Variants in TUNAR observed in about 807,000 individuals in gnomAD.
TUNAR encodes transmembrane neural differentiation associated intracellular calcium regulator, also known as protein TUNAR.
chr14:95,919,202 T>C (rs939432941), intron 2 of TUNAR, among the ~76,000 whole-genome samples: 6 of 152,188 alleles, frequency 3.9e-5, no homozygotes, highest in African/African-American at 1.4e-4. Context: ...ACCTACAAAC[T>C]AGCAAACAGA....
intron 2 of TUNAR, among the ~76,000 whole-genome samples, chr14:95,896,452 A>T (rs1889270849): frequency 6.6e-6 from 1 of 152,204 alleles, no homozygotes; most frequent in South Asian, 2.1e-4. Context: ...CTCCTGGGAC[A>T]AAGCACCTCC....
At chr14:95,876,953 G>A (rs542720403) in exon 2 of TUNAR, 2 of 152,304 alleles carry the variant, frequency 1.3e-5, no homozygotes, top group African/African-American at 4.8e-5. Flanking sequence ...AGCGGCAGAC[G>A]GGGACATGAG....
exon 3 of TUNAR, chr14:95,923,129 G>A (rs1269553661): frequency 2.5e-6 from 1 of 394,712 alleles, no homozygotes; most frequent in Non-Finnish European, 4.5e-6. Flanking sequence ...CAAATAGACC[G>A]ATCCTGCTGC....
intron 2 of TUNAR, among the ~76,000 whole-genome samples, chr14:95,886,313 A>G (rs2139653883): frequency 6.6e-6 from 1 of 152,324 alleles, no homozygotes; most frequent in Non-Finnish European, 1.5e-5. Context: ...CTTTGAAATC[A>G]ATGTGCTCAG....
At chr14:95,908,390 C>G (rs1410886808) in intron 2 of TUNAR, among the ~76,000 whole-genome samples, 1 of 152,228 alleles carries the variant, frequency 6.6e-6, no homozygotes, top group Non-Finnish European at 1.5e-5. Context: ...ACTGCCATCA[C>G]TCTGATGGAG....
At chr14:95,916,273 A>G (rs1276073098) in intron 2 of TUNAR, among the ~76,000 whole-genome samples, 6 of 151,966 alleles carry the variant, frequency 3.9e-5, no homozygotes, top group African/African-American at 7.3e-5. Flanking sequence ...TTTGGGATTT[A>G]TTGTTCTCTT....
chr14:95,907,657 G>T lies in TUNAR; in HGVS notation c.13-15124G>T, dbSNP rs549842931. Among the ~76,000 whole-genome samples the T allele has an allele frequency of 2.0e-5, 3 of 152,314 alleles. No homozygotes were observed. The East Asian group carries it at 5.8e-4, about 29-fold the overall frequency. The stretch of plus-strand genomic sequence containing the variant: ...GCTCAGAGGAGATCTGCAATGGGTA[G>T]CTCCTCTCTGTAGGCAGGTCATCCC... On this transcript the variant is annotated intron_variant, in intron 2 of 2. Coordinates refer to ENST00000678517, the Ensembl canonical transcript of TUNAR.
At chr14:95,917,868 T>C (rs1889631578) in intron 2 of TUNAR, among the ~76,000 whole-genome samples, 1 of 152,234 alleles carries the variant, frequency 6.6e-6, no homozygotes, top group Non-Finnish European at 1.5e-5. Context: ...GTATATTTAG[T>C]GTATTTAGGG....
exon 3 of TUNAR, chr14:95,924,777 G>T (rs1165398949): frequency 6.6e-6 from 1 of 152,220 alleles, no homozygotes. Flanking sequence ...GGGTATTCAA[G>T]ATGAGATTTG....
At chr14:95,919,387 T>G (rs1889655703) in intron 2 of TUNAR, among the ~76,000 whole-genome samples, 1 of 152,250 alleles carries the variant, frequency 6.6e-6, no homozygotes, top group Non-Finnish European at 1.5e-5. Context: ...TGCAGCATGC[T>G]GCAGTGTTTA....
intron 2 of TUNAR, among the ~76,000 whole-genome samples, chr14:95,892,429 G>T (rs1350885733): frequency 1.3e-5 from 2 of 152,244 alleles, no homozygotes; most frequent in East Asian, 3.8e-4. Flanking sequence ...TGTGTGTTCC[G>T]GGGAGCCGGG....
At chr14:95,880,881 T>C (rs1390800265) in intron 2 of TUNAR, among the ~76,000 whole-genome samples, 10 of 152,230 alleles carry the variant, frequency 6.6e-5, no homozygotes, top group Admixed American at 6.5e-4. Context: ...CACTTTGTCC[T>C]TGCAACTCTG....
At chr14:95,890,226 G>GCCATCAGC (rs932996389) in intron 2 of TUNAR, among the ~76,000 whole-genome samples, 1 of 151,932 alleles carries the variant, frequency 6.6e-6, no homozygotes, top group African/African-American at 2.4e-5. Context: ...GAGAAATGAA[G>GCCATCAGC]CCATCAGCGA....
At chr14:95,920,105 C>T (rs1889665641) in intron 2 of TUNAR, among the ~76,000 whole-genome samples, 1 of 152,338 alleles carries the variant, frequency 6.6e-6, no homozygotes, top group Admixed American at 6.5e-5. Flanking sequence ...CACAGCTATA[C>T]ACAACGACGT....
chr14:95,916,288 T>C (rs532507525), intron 2 of TUNAR, among the ~76,000 whole-genome samples: 1 of 152,332 alleles, frequency 6.6e-6, no homozygotes, highest in African/African-American at 2.4e-5. Context: ...TCTCTTGTTT[T>C]TCTTTGTGTT....
In TUNAR at chr14:95,895,431, G is replaced by A. The variant is rs990141537; in HGVS notation, c.12+18254G>A. Among the ~76,000 whole-genome samples the A allele has an allele frequency of 3.9e-5, 6 of 152,126 alleles. No individual in the cohort carries two copies. The East Asian group carries it at 5.8e-4, about 15-fold the overall frequency. ...CATGTTGTTAGAGTGTGTGTGGTGC[G>A]TGTGTGTATGTGTGGGTGTGCATGC... On this transcript the variant is annotated intron_variant, in intron 2 of 2. Coordinates refer to ENST00000678517, the Ensembl canonical transcript of TUNAR. The surrounding 1 kb of genome is among the most constrained non-coding windows in gnomAD (Gnocchi z 4.5).
At chr14:95,891,460 A>C (rs558258652) in intron 2 of TUNAR, among the ~76,000 whole-genome samples, 1 of 152,350 alleles carries the variant, frequency 6.6e-6, no homozygotes, top group African/African-American at 2.4e-5. Context: ...GGCACAGGTC[A>C]AATTTAGCAA....
rs528660954 is a variant in TUNAR at position 95,896,022 on chromosome 14, G to A, written c.12+18845G>A. ...TAGCGTGGTACCTGGCCCCAGGTGG[G>A]CACTTGGTCGCATATTTGTTAAATT... On this transcript the variant is annotated intron_variant, in intron 2 of 2. Transcript: ENST00000678517. 2.0e-5 allele frequency: 3 copies of A among 152,322 alleles called. No individual in the cohort carries two copies. The East Asian group carries it at 5.8e-4, about 29-fold the overall frequency. 9.4% of individuals were successfully genotyped at this position (152,322 alleles called of 1,614,324 possible).
chr14:95,883,577 C>T (rs1340415798), intron 2 of TUNAR, among the ~76,000 whole-genome samples: 1 of 152,204 alleles, frequency 6.6e-6, no homozygotes, highest in East Asian at 1.9e-4. Context: ...GGGCGTCACC[C>T]TCTGCCCTTT....
Sources: gnomAD v4.1 joint callset for allele counts (sites outside exome capture counted in the v4.1 genomes callset) on GRCh38, gnomAD v4.1.1 for gene constraint, Gnocchi (gnomAD v3.1) non-coding constraint, MANE v1.5 for transcripts, NCBI Gene and HGNC (gene_info 2026-07-23, HGNC 2026-07-21) for gene names.